SBF2: variants seen among roughly 807,000 people sequenced by gnomAD.
SBF2 encodes SET binding factor 2, also known as myotubularin-related protein 13.
In SBF2, 112 loss-of-function variants were observed where a neutral mutation model predicts 225.2. That is an observed-to-expected ratio of 0.50 (90% CI 0.43 to 0.58). SBF2 has a LOEUF of 0.58. Ranked by LOEUF, SBF2 falls within the 20% of genes least tolerant of loss-of-function variation. The pLI, the probability that SBF2 is intolerant of heterozygous loss-of-function variation, is 0.00. For missense variants in SBF2, 1,996 were observed against 2,206.2 expected, an observed-to-expected ratio of 0.90 and a Z score of 1.91; for synonymous variants, 763 against 773.3, an observed-to-expected ratio of 0.99 and a Z score of 0.22.
intron 16 of SBF2, among the ~76,000 whole-genome samples, chr11:9,908,840 G>C (rs184167559): frequency 1.8e-3 from 246 of 139,892 alleles, no homozygotes; most frequent in African/African-American, 6.4e-3. Flanking sequence ...ATGTGCCACT[G>C]CGCATGGCTA....
rs1857331597 is a variant in SBF2 at position 9,856,598 on chromosome 11, G to C, written c.2223C>G (p.Ser741Arg). ...TQQELVQHEE[S>R]TVFSQAIHFA... is the part of the protein sequence containing the mutation. ...AGTGAATGGCCTGACTAAAGACAGT[G>C]CTTTCCTCATGTTGCACTAGCTCTT... The change falls in exon 19 of 40, where the codon AGC (serine) becomes AGG (arginine). Residue 741 changes from serine to arginine, a missense_variant. Coordinates refer to ENST00000256190, the MANE Select transcript of SBF2 (RefSeq NM_030962.4). 7 of 1,614,140 alleles carry C rather than the reference G, an allele frequency of 4.3e-6. No homozygotes were observed. Among genetic ancestry groups the C allele is most frequent in the Non-Finnish European group, 5.9e-6 (7 of 1,180,030 alleles).
At chr11:9,870,117 C>T (rs558175100) in intron 17 of SBF2, among the ~76,000 whole-genome samples, 1 of 152,142 alleles carries the variant, frequency 6.6e-6, no homozygotes, top group South Asian at 2.1e-4. Flanking sequence ...GCTATAAAAA[C>T]AGTAAAATAC....
intron 2 of SBF2, among the ~76,000 whole-genome samples, chr11:10,073,594 G>A (rs915012776): frequency 2.0e-5 from 3 of 152,122 alleles, no homozygotes; most frequent in Non-Finnish European, 2.9e-5. Flanking sequence ...GCATGCACCT[G>A]TAGTCCCAGC....
intron 13 of SBF2, among the ~76,000 whole-genome samples, chr11:9,981,274 G>GC (rs1408615184): frequency 6.6e-6 from 1 of 152,070 alleles, no homozygotes; most frequent in African/African-American, 2.4e-5. Context: ...ATTAAAGCTG[G>GC]CAACAATAGA....
intron 13 of SBF2, among the ~76,000 whole-genome samples, chr11:9,975,168 C>A (rs1946629233): frequency 1.3e-5 from 2 of 151,960 alleles, no homozygotes; most frequent in South Asian, 4.1e-4. Flanking sequence ...CCTAGGTATT[C>A]ATACAAGAGA....
intron 1 of SBF2, among the ~76,000 whole-genome samples, chr11:10,220,077 C>T (rs1017920040): frequency 2.0e-5 from 3 of 152,154 alleles, no homozygotes; most frequent in East Asian, 1.9e-4. Flanking sequence ...CCAGAGACTG[C>T]GTAATTTAAA....
intron 1 of SBF2, among the ~76,000 whole-genome samples, chr11:10,221,306 T>C (rs4910100): frequency 0.63 from 94,898 of 151,548 alleles, 30,664 homozygotes; most frequent in East Asian, 0.97. Flanking sequence ...TTAGTAGAGA[T>C]AGTGTTTCAC....
intron 16 of SBF2, among the ~76,000 whole-genome samples, chr11:9,920,025 C>T (rs1357701064): frequency 1.3e-5 from 2 of 152,142 alleles, no homozygotes; most frequent in East Asian, 3.9e-4. Flanking sequence ...AGCCACCATG[C>T]CCGGCCTCTT....
intron 1 of SBF2, among the ~76,000 whole-genome samples, chr11:10,254,742 T>C (rs1315554132): frequency 6.7e-6 from 1 of 148,910 alleles, no homozygotes; most frequent in Non-Finnish European, 1.5e-5. Flanking sequence ...CCCTATTAAA[T>C]ATATTAAAAA....
chr11:10,051,026 G>A (rs1049071201), intron 2 of SBF2, among the ~76,000 whole-genome samples: 35 of 152,218 alleles, frequency 2.3e-4, no homozygotes, highest in African/African-American at 7.7e-4. Context: ...AACTATTAAT[G>A]TGCCCATTTT....
At chr11:10,118,850 A>G (rs1953293016) in intron 2 of SBF2, among the ~76,000 whole-genome samples, 1 of 151,650 alleles carries the variant, frequency 6.6e-6, no homozygotes, top group Non-Finnish European at 1.5e-5. Flanking sequence ...CCTAAGGTTC[A>G]TTTAGCAAAT....
chr11:10,003,112 T>A (rs1169187983), intron 6 of SBF2, among the ~76,000 whole-genome samples: 1 of 152,232 alleles, frequency 6.6e-6, no homozygotes, highest in Non-Finnish European at 1.5e-5. Context: ...AACCTTTCTC[T>A]ACTTCTTGTA....
chr11:9,953,484 T>C (rs1465459751), intron 16 of SBF2, among the ~76,000 whole-genome samples: 2 of 152,102 alleles, frequency 1.3e-5, no homozygotes, highest in African/African-American at 2.4e-5. Context: ...ATATATATGA[T>C]GGAATACTAC....
intron 1 of SBF2, among the ~76,000 whole-genome samples, chr11:10,278,101 T>C (rs1282571484): frequency 1.3e-5 from 2 of 152,242 alleles, no homozygotes; most frequent in Non-Finnish European, 2.9e-5. Flanking sequence ...TAGTTAACAA[T>C]CTTTTTGTTC....
At chr11:10,018,139 C>A (rs942589540) in intron 6 of SBF2, among the ~76,000 whole-genome samples, 1 of 152,104 alleles carries the variant, frequency 6.6e-6, no homozygotes, top group Non-Finnish European at 1.5e-5. Flanking sequence ...CTGGCAGAAA[C>A]AACTCTTTTA....
At chr11:9,919,267 C>CTT (rs138526429) in intron 16 of SBF2, among the ~76,000 whole-genome samples, 1,455 of 123,658 alleles carry the variant, frequency 0.012, 22 homozygotes, top group African/African-American at 0.023. Flanking sequence ...TCTTCTTCTT[C>CTT]TTCTTTTTTT....
At chr11:10,055,569 A>G (rs963972676) in intron 2 of SBF2, among the ~76,000 whole-genome samples, 23 of 129,334 alleles carry the variant, frequency 1.8e-4, no homozygotes, top group African/African-American at 6.1e-4. Flanking sequence ...ACACACACAC[A>G]CACCATGGAA....
At chr11:9,915,689 T>C (rs959676204) in intron 16 of SBF2, 3 of 152,126 alleles carry the variant, frequency 2.0e-5, no homozygotes, top group African/African-American at 7.2e-5. Context: ...GAAAGGTTAG[T>C]AGGTTGACCA....
intron 2 of SBF2, among the ~76,000 whole-genome samples, chr11:10,188,548 T>C (rs1311272856): frequency 6.6e-6 from 1 of 152,176 alleles, no homozygotes; most frequent in East Asian, 1.9e-4. Context: ...AAAGATTTTC[T>C]AGCATAACTG....
Sources: gnomAD v4.1 joint callset for allele counts (sites outside exome capture counted in the v4.1 genomes callset) on GRCh38, gnomAD v4.1.1 for gene constraint, MANE v1.5 for transcripts, NCBI Gene and HGNC (gene_info 2026-07-23, HGNC 2026-07-21) for gene names.